The following ANKS1B variants were observed in gnomAD, a reference collection of about 807,000 sequenced individuals.
ANKS1B encodes the protein ankyrin repeat and sterile alpha motif domain containing 1B.
A neutral mutation model predicts 148.3 loss-of-function variants in ANKS1B; 36 were observed. That is an observed-to-expected ratio of 0.24 (90% confidence interval 0.19 to 0.32). The LOEUF is 0.32. ANKS1B is among the 10% of genes least tolerant of loss of function. The pLI is 1.00. For synonymous variants in ANKS1B, 542 were observed against 560.8 expected (o/e 0.97, Z 0.47); for missense variants, 1,157 against 1,542.6 (o/e 0.75, Z 4.19).
chr12:99,869,724 T>A (rs1472739765), intron 1 of ANKS1B, among the ~76,000 whole-genome samples: 1 of 147,450 alleles, frequency 6.8e-6, no homozygotes, highest in African/African-American at 2.5e-5. Context: ...AGAGAAACAA[T>A]GATCTTTTCA....
intron 17 of ANKS1B, among the ~76,000 whole-genome samples, chr12:99,042,422 A>C (rs908109773): frequency 2.0e-5 from 3 of 152,196 alleles, no homozygotes; most frequent in Non-Finnish European, 4.4e-5. Flanking sequence ...ATGCCAGAAG[A>C]CTAGAGCCAA....
chr12:99,222,124 T>C (rs543483873), intron 14 of ANKS1B, among the ~76,000 whole-genome samples: 43 of 152,126 alleles, frequency 2.8e-4, no homozygotes, highest in Non-Finnish European at 5.3e-4. Flanking sequence ...ATTTTTTATA[T>C]AGCTTAAAAA....
chr12:98,789,043 G>T (rs75620838), intron 22 of ANKS1B, among the ~76,000 whole-genome samples: 1 of 152,256 alleles, frequency 6.6e-6, no homozygotes, highest in East Asian at 1.9e-4. Flanking sequence ...TTCAAGAGTT[G>T]TACCCAGAAT....
In ANKS1B at chr12:98,801,568, T is replaced by G. The variant is rs933629526; in HGVS notation, c.3142-443A>C. On this transcript the variant is annotated intron_variant, in intron 20 of 26. Transcript: ENST00000683438. This position sits in a 1 kb window ranked among gnomAD's most constrained non-coding sequence, Gnocchi z 5.2. ...CCAAATATGACATGTACTAGCCACT[T>G]TGAATAATTTTAGATCTCTGGAGAA... is the stretch of plus-strand genomic sequence containing the variant. 1.3e-5 allele frequency among the ~76,000 whole-genome samples: 2 copies of G among 152,238 alleles called. No individual in the cohort carries two copies. The highest frequency in any genetic ancestry group is 6.5e-5 in the Admixed American group (1 of 15,282).
chr12:98,937,138 G>A (rs951870811), intron 17 of ANKS1B, among the ~76,000 whole-genome samples: 1 of 152,166 alleles, frequency 6.6e-6, no homozygotes, highest in Non-Finnish European at 1.5e-5. Context: ...GGATGAGCAG[G>A]ATGGTTCATT....
Position 99,984,120 on chromosome 12 carries a change from G to A in ANKS1B, c.118C>T (p.Leu40=). 6.2e-7 allele frequency: 1 copy of A among 1,613,394 alleles called. No individual in the cohort carries two copies. Among genetic ancestry groups the A allele is most frequent in the Non-Finnish European group, 8.5e-7 (1 of 1,179,566 alleles). ...ILGGGSGPLP[L]SNLLSIWRGP... ...CGTCCTTACCTTAGCAGATTAGACA[G>A]GGGCAGGGGTCCGGATCCACCGCCC... The change falls in exon 1 of 27, where the codon CTG becomes TTG. Residue 40 remains leucine (L), a synonymous_variant. Coordinates refer to ENST00000683438, the MANE Select transcript of ANKS1B (RefSeq NM_001352186.2).
chr12:99,983,649 G>A (rs1468810357), intron 1 of ANKS1B, among the ~76,000 whole-genome samples: 1 of 152,172 alleles, frequency 6.6e-6, no homozygotes, highest in African/African-American at 2.4e-5. Flanking sequence ...CACAGCAAAC[G>A]CCTTCTGCAA....
chr12:98,741,960 C>T (rs936621884), downstream of ANKS1B, among the ~76,000 whole-genome samples: 5 of 152,170 alleles, frequency 3.3e-5, no homozygotes, highest in African/African-American at 9.7e-5. Context: ...AGCCAGAGGA[C>T]AATTAAATTG....
intron 3 of ANKS1B, among the ~76,000 whole-genome samples, chr12:99,809,230 G>C (rs1462350945): frequency 1.3e-5 from 2 of 151,958 alleles, no homozygotes; most frequent in Non-Finnish European, 2.9e-5. Flanking sequence ...ATGGATGATA[G>C]AACAAAACTG....
chr12:99,648,939 G>A (rs1474611752), intron 9 of ANKS1B: 5 of 1,123,864 alleles, frequency 4.4e-6, no homozygotes, highest in African/African-American at 1.6e-5. Flanking sequence ...TGGAGGCCAT[G>A]GTACATTGAG....
At chr12:99,227,570 C>T (rs538821388) in intron 14 of ANKS1B, among the ~76,000 whole-genome samples, 16 of 152,208 alleles carry the variant, frequency 1.1e-4, no homozygotes, top group African/African-American at 3.6e-4. Flanking sequence ...TTGATCAAGC[C>T]AAGTCAGTGG....
At position 99,116,711 on chromosome 12, in the gene ANKS1B, A is replaced by G. The variant is rs143862727; in HGVS notation, c.2527-31688T>C. 7.1e-3 allele frequency among the ~76,000 whole-genome samples: 1,078 copies of G among 152,264 alleles called. 13 individuals are homozygous for G. Among genetic ancestry groups the G allele is most frequent in the South Asian group, 0.046 (224 of 4,824 alleles). On this transcript the variant is annotated intron_variant, in intron 15 of 26. Transcript: ENST00000683438. Reference sequence around the variant, plus strand: ...TTTTTTTGTTCCATATGAAATTTAAAGTAGTTTTTTTCTAATTCTGTGAAG... The same window carrying G: ...TTTTTTTGTTCCATATGAAATTTAAGGTAGTTTTTTTCTAATTCTGTGAAG...
intron 9 of ANKS1B, among the ~76,000 whole-genome samples, chr12:99,533,375 T>C (rs1388029326): frequency 6.6e-6 from 1 of 152,220 alleles, no homozygotes; most frequent in Admixed American, 6.5e-5. Context: ...GATTAGTGTT[T>C]ATGTTGATTT....
chr12:99,426,434 T>C (rs2095256012), intron 11 of ANKS1B, among the ~76,000 whole-genome samples: 2 of 152,184 alleles, frequency 1.3e-5, no homozygotes, highest in Admixed American at 1.3e-4. Flanking sequence ...GATTTGGTAC[T>C]TGACTCAATT....
At chr12:99,135,786 A>G (rs1464786539) in intron 15 of ANKS1B, among the ~76,000 whole-genome samples, 1 of 152,220 alleles carries the variant, frequency 6.6e-6, no homozygotes, top group Non-Finnish European at 1.5e-5. Flanking sequence ...AAAATGACAC[A>G]GGGAGGAAAG....
intron 17 of ANKS1B, among the ~76,000 whole-genome samples, chr12:98,880,652 C>T (rs939626800): frequency 1.2e-4 from 18 of 152,090 alleles, no homozygotes; most frequent in Non-Finnish European, 2.4e-4. Context: ...CCTGTAGTCC[C>T]AGCTACTCAG....
chr12:99,083,172 A>G (rs1236272656), intron 16 of ANKS1B, among the ~76,000 whole-genome samples: 3 of 152,206 alleles, frequency 2.0e-5, no homozygotes, highest in Non-Finnish European at 4.4e-5. Context: ...GTCAGTTGGG[A>G]AATTTCATCA....
chr12:99,715,488 C>T (rs1337993260), intron 8 of ANKS1B, among the ~76,000 whole-genome samples: 1 of 152,204 alleles, frequency 6.6e-6, no homozygotes, highest in Non-Finnish European at 1.5e-5. Context: ...TATCTCCCTT[C>T]GCTGACTCTT....
rs548459592 is a variant in ANKS1B, at chr12:99,822,807, T to C, written c.215+2502A>G. On this transcript the variant is annotated intron_variant, in intron 2 of 26. Coordinates refer to ENST00000683438, the MANE Select transcript of ANKS1B (RefSeq NM_001352186.2). ...TACTTTCTTTTGGATTTATACCCTG[T>C]AATGGGAATGCTGGGTAGAATGGTA... is the stretch of plus-strand genomic sequence containing the variant. Among the ~76,000 whole-genome samples, 56 of 152,336 alleles carry C rather than the reference T, an allele frequency of 3.7e-4. No individual in the cohort carries two copies. The South Asian group carries it at 0.012, about 32-fold the overall frequency.
Sources: gnomAD v4.1 joint callset for allele counts (sites outside exome capture counted in the v4.1 genomes callset) on GRCh38, gnomAD v4.1.1 for gene constraint, Gnocchi (gnomAD v3.1) non-coding constraint, MANE v1.5 for transcripts, NCBI Gene and HGNC (gene_info 2026-07-23, HGNC 2026-07-21) for gene names.